The following PSPC1 variants were observed in gnomAD, a reference collection of about 807,000 sequenced individuals.
The protein encoded by PSPC1 is paraspeckle protein 1.
Under a neutral mutation model 51.6 loss-of-function variants are expected in PSPC1, and 14 were observed. The ratio of observed to expected loss-of-function variants is 0.27; its 90% CI spans 0.18 to 0.42. PSPC1 has a LOEUF of 0.42. PSPC1 is among the 10% of genes least tolerant of loss of function. The probability of loss-of-function intolerance (pLI) is 1.00; values close to 1 mark genes in which losing one functional copy is unlikely to be tolerated. For missense variants in PSPC1, 406 were observed against 701.1 expected, an observed-to-expected ratio of 0.58 and a Z score of 4.75; for synonymous variants, 193 against 231.9, an observed-to-expected ratio of 0.83 and a Z score of 1.53.
intron 6 of PSPC1, among the ~76,000 whole-genome samples, chr13:19,696,943 A>C (rs1184137071): frequency 6.6e-6 from 1 of 152,230 alleles, no homozygotes; most frequent in Non-Finnish European, 1.5e-5. Flanking sequence ...GAATTTATGC[A>C]TTAAATAACA....
downstream of PSPC1, chr13:19,672,139 A>C: frequency 2.4e-6 from 1 of 416,052 alleles, no homozygotes; most frequent in Non-Finnish European, 4.3e-6. Context: ...AAGAAAATTA[A>C]AGACTTCACT....
At chr13:19,734,252 G>A (rs1377161310) in intron 5 of PSPC1, among the ~76,000 whole-genome samples, 3 of 152,100 alleles carry the variant, frequency 2.0e-5, no homozygotes, top group Admixed American at 6.5e-5. Flanking sequence ...ACTAAGGAGA[G>A]GAGAACTAGT....
intron 3 of PSPC1, among the ~76,000 whole-genome samples, chr13:19,754,328 C>T (rs1352857506): frequency 2.0e-5 from 3 of 151,882 alleles, no homozygotes; most frequent in Admixed American, 2.0e-4. Flanking sequence ...TCAGGTGATC[C>T]ACCCACTTTG....
chr13:19,774,962 GCCAGGAGTTTAAGA>G (rs1888963211), intron 1 of PSPC1, among the ~76,000 whole-genome samples: 1 of 151,840 alleles, frequency 6.6e-6, no homozygotes, highest in South Asian at 2.1e-4. Flanking sequence ...AATCCTTGAG[GCCAGGAGTTTAAGA>G]CCAGCCTAGG....
At chr13:19,715,989 G>A (rs1047159389) in intron 6 of PSPC1, among the ~76,000 whole-genome samples, 3 of 151,776 alleles carry the variant, frequency 2.0e-5, no homozygotes, top group Non-Finnish European at 4.4e-5. Flanking sequence ...ACTCCAGACT[G>A]GGCGATACAG....
chr13:19,730,007 A>G (rs1883849790), intron 6 of PSPC1, among the ~76,000 whole-genome samples: 1 of 152,150 alleles, frequency 6.6e-6, no homozygotes, highest in Admixed American at 6.6e-5. Flanking sequence ...TTAAAGATCA[A>G]CCAAAATAAT....
At chr13:19,677,104 G>A (rs1426237678) in intron 7 of PSPC1, among the ~76,000 whole-genome samples, 1 of 151,998 alleles carries the variant, frequency 6.6e-6, no homozygotes, top group Non-Finnish European at 1.5e-5. Flanking sequence ...ATGGTGGCAG[G>A]CGCCTGTGGT....
At chr13:19,773,184 A>G (rs1163992543) in intron 1 of PSPC1, among the ~76,000 whole-genome samples, 1 of 151,996 alleles carries the variant, frequency 6.6e-6, no homozygotes, top group African/African-American at 2.4e-5. Context: ...TAAAAAAACA[A>G]TAATAACTTG....
At chr13:19,738,967 A>G (rs1337747346) in intron 5 of PSPC1, among the ~76,000 whole-genome samples, 4 of 152,054 alleles carry the variant, frequency 2.6e-5, no homozygotes, top group Non-Finnish European at 2.9e-5. Context: ...TATATACACA[A>G]TTTTTCCCCA....
intron 6 of PSPC1, among the ~76,000 whole-genome samples, chr13:19,686,329 T>C (rs887902232): frequency 1.3e-5 from 2 of 152,196 alleles, no homozygotes; most frequent in Non-Finnish European, 2.9e-5. Context: ...TTTCTATGTA[T>C]GCAGCACAGA....
At position 19,772,382 on chromosome 13, in the gene PSPC1, CTG is replaced by C; in HGVS notation, c.532_533del (p.Gln178ValfsTer13). On this transcript the variant is annotated frameshift_variant, in exon 2 of 9. Coordinates refer to ENST00000338910, the MANE Select transcript of PSPC1 (RefSeq NM_001354909.2). LOFTEE classifies it high-confidence loss of function. ...CAACAGCTTTCTCTACTGGACCAAA[CTG>C]AGAAAATGCTTGCTCTAGCAGCTCA... ...SNELLEQAFS[Q>X]FGPVEKAVVV... 1 of 1,614,194 alleles carries C rather than the reference CTG, an allele frequency of 6.2e-7. No homozygotes were observed. Among genetic ancestry groups the C allele is most frequent in the Non-Finnish European group, 8.5e-7 (1 of 1,180,036 alleles).
intron 4 of PSPC1, among the ~76,000 whole-genome samples, chr13:19,750,194 T>C (rs756288984): frequency 6.6e-6 from 1 of 152,116 alleles, no homozygotes; most frequent in Non-Finnish European, 1.5e-5. Flanking sequence ...GCAGAAACGT[T>C]CAGCAGGAAT....
chr13:19,675,666 C>CA (rs963346735), intron 7 of PSPC1: 2 of 152,182 alleles, frequency 1.3e-5, no homozygotes, highest in South Asian at 2.1e-4. Context: ...GGAAAAGAGA[C>CA]AGAGTCTTCA....
intron 2 of PSPC1, among the ~76,000 whole-genome samples, chr13:19,765,400 T>A (rs9508880): frequency 2.0e-5 from 3 of 147,766 alleles, no homozygotes; most frequent in Non-Finnish European, 4.5e-5. Flanking sequence ...TATTTTATGA[T>A]GGAGAAAAAA....
chr13:19,672,563 G>A (rs1355721931), downstream of PSPC1: 1 of 151,674 alleles, frequency 6.6e-6, no homozygotes, highest in Non-Finnish European at 1.5e-5. Flanking sequence ...AGGGAGCCAT[G>A]TTATATTCAA....
At chr13:19,708,738 C>T (rs897381348) in intron 7 of PSPC1, among the ~76,000 whole-genome samples, 7 of 152,170 alleles carry the variant, frequency 4.6e-5, no homozygotes, top group African/African-American at 1.7e-4. Context: ...GTTCAATATT[C>T]ATTAAAGTGA....
chr13:19,743,996 T>A (rs2138060205), intron 4 of PSPC1, among the ~76,000 whole-genome samples: 1 of 152,152 alleles, frequency 6.6e-6, no homozygotes, highest in East Asian at 1.9e-4. Context: ...TAATCAGAGC[T>A]ACTCAGGAGG....
chr13:19,723,724 T>C (rs562531228), intron 6 of PSPC1, among the ~76,000 whole-genome samples: 14 of 152,352 alleles, frequency 9.2e-5, no homozygotes, highest in African/African-American at 3.4e-4. Flanking sequence ...AACTTATATA[T>C]ATGTTTGTTT....
intron 2 of PSPC1, among the ~76,000 whole-genome samples, chr13:19,771,204 C>A (rs1210522608): frequency 6.6e-6 from 1 of 152,098 alleles, no homozygotes; most frequent in Non-Finnish European, 1.5e-5. Flanking sequence ...GTGGCACAAT[C>A]TGGACTCACT....
Sources: gnomAD v4.1 joint callset for allele counts (sites outside exome capture counted in the v4.1 genomes callset) on GRCh38, gnomAD v4.1.1 for gene constraint, MANE v1.5 for transcripts, NCBI Gene and HGNC (gene_info 2026-07-23, HGNC 2026-07-21) for gene names.